JAKMIP3: variants seen among roughly 807,000 people sequenced by gnomAD.
The protein encoded by JAKMIP3 is Janus kinase and microtubule interacting protein 3.
In JAKMIP3, 58 loss-of-function variants were observed where a neutral mutation model predicts 118.5. The ratio of observed to expected loss-of-function variants is 0.49; its 90% CI spans 0.40 to 0.61. The LOEUF (loss-of-function observed/expected upper bound fraction) is 0.61, where lower values mean the gene tolerates loss of function less well. Ranked by LOEUF, JAKMIP3 falls within the 20% of genes least tolerant of loss-of-function variation. The pLI is 0.00. For missense variants in JAKMIP3, 950 were observed against 1,109.0 expected, an observed-to-expected ratio of 0.86 and a Z score of 2.04; for synonymous variants, 486 against 451.2, an observed-to-expected ratio of 1.08 and a Z score of -0.98.
chr10:132,134,775 A>G (rs1282026537), intron 4 of JAKMIP3, among the ~76,000 whole-genome samples: 3 of 151,978 alleles, frequency 2.0e-5, no homozygotes, highest in Non-Finnish European at 4.4e-5. Flanking sequence ...CCTTTTCATT[A>G]TTTTACTTTA....
chr10:132,123,252 T>C (rs1482312176), intron 3 of JAKMIP3, among the ~76,000 whole-genome samples: 1 of 152,228 alleles, frequency 6.6e-6, no homozygotes, highest in Non-Finnish European at 1.5e-5. Flanking sequence ...GTGGCAGATC[T>C]GTGCCATGTC....
chr10:132,180,554 CATGCGT>C (rs1412563059), intron 23 of JAKMIP3, among the ~76,000 whole-genome samples: 162 of 4,316 alleles, frequency 0.038, 27 homozygotes, highest in African/African-American at 0.1. Context: ...TGCGTGCGTG[CATGCGT>C]GTGTGTGCGT....
At chr10:132,154,842 T>TGGC (rs1554953169) in intron 19 of JAKMIP3, among the ~76,000 whole-genome samples, 124 of 124,952 alleles carry the variant, frequency 9.9e-4, no homozygotes, top group Non-Finnish European at 1.4e-3. Context: ...GTGATGGTGG[T>TGGC]GGCGGTGGTG....
chr10:132,137,325 G>T (rs749777650), intron 8 of JAKMIP3, 36 bp downstream of exon 8: 3 of 1,612,762 alleles, frequency 1.9e-6, no homozygotes, highest in African/African-American at 1.3e-5. Flanking sequence ...CCACGCCTCC[G>T]CTCCCCACGC....
intron 3 of JAKMIP3, among the ~76,000 whole-genome samples, chr10:132,124,455 C>T (rs79801830): frequency 0.01 from 1,560 of 150,882 alleles, 42 homozygotes; most frequent in East Asian, 0.057. Flanking sequence ...ACCGCCGAGC[C>T]GGTGGGCCGC....
chr10:132,043,617 A>T (rs2037823776), intron 1 of JAKMIP3, among the ~76,000 whole-genome samples: 1 of 152,192 alleles, frequency 6.6e-6, no homozygotes, highest in South Asian at 2.1e-4. Flanking sequence ...TGAGAATCCC[A>T]CAGGCGCCTG....
At position 132,137,166 on chromosome 10, in the gene JAKMIP3, TTTGCTGC is replaced by T; in HGVS notation, c.1248+17_1248+23del. 6.2e-7 allele frequency: 1 copy of T among 1,613,888 alleles called. No homozygotes were observed. The highest frequency in any genetic ancestry group is 1.1e-5 in the South Asian group (1 of 91,084). On this transcript the variant is annotated intron_variant, in intron 7 of 23. Coordinates refer to ENST00000684848, the MANE Select transcript of JAKMIP3 (RefSeq NM_001323087.2). The stretch of plus-strand genomic sequence containing the variant: ...ACTGTCTAAGGTACCCGGCGGGCTG[TTTGCTGC>T]GGCCCCGTCCTCTGGCTCCCAAGGG...
chr10:132,061,051 G>A (rs1333295762), upstream of JAKMIP3, among the ~76,000 whole-genome samples: 1 of 152,146 alleles, frequency 6.6e-6, no homozygotes, highest in Non-Finnish European at 1.5e-5. Context: ...AGAGAATATA[G>A]AAACAAACTC....
rs1205299432 is a variant in JAKMIP3 at position 132,180,760 on chromosome 10, CGTGTGTGT to C, written c.*1104-1595_*1104-1588del. ...GTGCGTGCGTGCGCGCGCGTGTGTG[CGTGTGTGT>C]GCGTGTGTGTGTGTGCGCGTATGCA... is the stretch of plus-strand genomic sequence containing the variant. On this transcript the variant is annotated intron_variant, in intron 23 of 23. Coordinates refer to ENST00000684848, the MANE Select transcript of JAKMIP3 (RefSeq NM_001323087.2). Among the ~76,000 whole-genome samples, 13 of 14,734 alleles carry C rather than the reference CGTGTGTGT, an allele frequency of 8.8e-4. 3 individuals carry two copies. Among genetic ancestry groups the C allele is most frequent in the East Asian group, 9.1e-3 (1 of 110 alleles). 9.7% of individuals were successfully genotyped at this position (14,734 alleles called of 152,430 possible). A position where few individuals can be genotyped will look rare whatever the true frequency, so the allele number is the denominator to read the frequency against.
At chr10:132,038,966 T>C (rs369393008) in intron 1 of JAKMIP3, among the ~76,000 whole-genome samples, 3 of 151,850 alleles carry the variant, frequency 2.0e-5, no homozygotes, top group African/African-American at 7.3e-5. Context: ...CAGAGGCAGG[T>C]GGAGGCCACA....
At chr10:132,101,221 C>G (rs1415146230) in intron 1 of JAKMIP3, among the ~76,000 whole-genome samples, 1 of 152,120 alleles carries the variant, frequency 6.6e-6, no homozygotes, top group Admixed American at 6.5e-5. Context: ...ACTTTCCCTC[C>G]TCCAAAGTGG....
At chr10:132,151,237 G>C (rs7476071) in intron 16 of JAKMIP3, among the ~76,000 whole-genome samples, 66,012 of 151,818 alleles carry the variant, frequency 0.43, 15,880 homozygotes, top group Admixed American at 0.63. Flanking sequence ...TCCTCCATAA[G>C]CTATTTATCC....
At position 132,050,996 on chromosome 10, in the gene JAKMIP3, G is replaced by A. The variant is rs561772807; in HGVS notation, c.-138+14258G>A. ...TGGTCTTGTTAATTCCAGCTGTTCT[G>A]GTGGGTGGGTACCTGCCTGTCTTTC... On this transcript the variant is annotated intron_variant, in intron 1 of 23. Coordinates refer to the JAKMIP3 transcript ENST00000657785. 1.3e-4 allele frequency among the ~76,000 whole-genome samples: 20 copies of A among 150,948 alleles called. No individual in the cohort carries two copies. In the South Asian group the frequency reaches 3.3e-3, roughly 25 times the overall value.
intron 1 of JAKMIP3, among the ~76,000 whole-genome samples, chr10:132,040,559 A>G (rs2037709131): frequency 6.6e-6 from 1 of 150,806 alleles, no homozygotes; most frequent in African/African-American, 2.4e-5. Context: ...TTACTATTCA[A>G]TTGTTTCTTT....
intron 2 of JAKMIP3, among the ~76,000 whole-genome samples, chr10:132,108,511 C>A (rs1043802252): frequency 6.6e-6 from 1 of 152,076 alleles, no homozygotes; most frequent in Non-Finnish European, 1.5e-5. Flanking sequence ...ACAGGTGGAG[C>A]CTCAGACAAG....
At chr10:132,056,915 G>A (rs967348212) in intron 1 of JAKMIP3, among the ~76,000 whole-genome samples, 4 of 152,062 alleles carry the variant, frequency 2.6e-5, no homozygotes, top group African/African-American at 9.7e-5. Context: ...CCCATCCAGG[G>A]GTCAGAGGTC....
At chr10:132,154,839 T>TGGTGGC (rs1424988951) in intron 19 of JAKMIP3, among the ~76,000 whole-genome samples, 3 of 108,894 alleles carry the variant, frequency 2.8e-5, no homozygotes, top group Admixed American at 9.7e-5. Flanking sequence ...ATGGTGATGG[T>TGGTGGC]GGTGGCGGTG....
intron 23 of JAKMIP3, among the ~76,000 whole-genome samples, chr10:132,176,838 G>T (rs1231320357): frequency 1.3e-5 from 2 of 151,826 alleles, no homozygotes; most frequent in Non-Finnish European, 2.9e-5. Context: ...CATTCCTGTG[G>T]AGTCTCCGGA....
chr10:132,159,135 CGTCTCTCCTTGTGTG>C, intron 19 of JAKMIP3, among the ~76,000 whole-genome samples: 1 of 89,776 alleles, frequency 1.1e-5, no homozygotes, highest in African/African-American at 3.9e-5. Context: ...ATTCTGGGGG[CGTCTCTCCTTGTGTG>C]ATGTTGTGGG....
Sources: allele counts gnomAD v4.1 joint callset (sites outside exome capture counted in the v4.1 genomes callset), GRCh38; gene constraint gnomAD v4.1.1; transcripts MANE v1.5; gene names NCBI Gene and HGNC (gene_info 2026-07-23, HGNC 2026-07-21).